Variants in STX12 observed in about 807,000 individuals in gnomAD.
The protein encoded by STX12 is syntaxin-12.
In STX12, 17 loss-of-function variants were observed where a neutral mutation model predicts 42.2. That is an observed-to-expected ratio of 0.40 (90% confidence interval 0.28 to 0.60). The LOEUF is 0.60. STX12 is among the 20% of genes least tolerant of loss of function. The pLI is 0.39. For missense variants in STX12, 297 were observed against 330.9 expected, an observed-to-expected ratio of 0.90 and a Z score of 0.79; for synonymous variants, 108 against 116.7, an observed-to-expected ratio of 0.93 and a Z score of 0.48.
At chr1:27,797,907 C>G (rs1168343330) in intron 3 of STX12, among the ~76,000 whole-genome samples, 2 of 151,812 alleles carry the variant, frequency 1.3e-5, no homozygotes, top group Non-Finnish European at 2.9e-5. Flanking sequence ...CACACACACA[C>G]AGAGTCTATA....
chr1:27,801,628 A>T, intron 3 of STX12, 50 bp from the exon 4 acceptor site: 1 of 1,447,828 alleles, frequency 6.9e-7, no homozygotes, highest in Non-Finnish European at 9.1e-7. Context: ...ATTAAAACCA[A>T]ATGATTCTGG....
chr1:27,807,077 G>A (rs936933402), intron 4 of STX12, among the ~76,000 whole-genome samples: 2 of 151,714 alleles, frequency 1.3e-5, no homozygotes, highest in Non-Finnish European at 2.9e-5. Context: ...AATTTTTGTG[G>A]GCACATGGTA....
chr1:27,798,752 G>A (rs1465046458), intron 3 of STX12, among the ~76,000 whole-genome samples: 1 of 126,442 alleles, frequency 7.9e-6, no homozygotes, highest in Non-Finnish European at 1.6e-5. Flanking sequence ...CTGCACTCCA[G>A]ACTGGACGAC....
intron 1 of STX12, among the ~76,000 whole-genome samples, chr1:27,787,697 G>C (rs532175441): frequency 6.6e-6 from 1 of 151,836 alleles, no homozygotes; most frequent in African/African-American, 2.4e-5. Context: ...GCATGTCATT[G>C]GTATTGTAAG....
At chr1:27,801,138 C>T (rs893750589) in intron 3 of STX12, among the ~76,000 whole-genome samples, 2 of 152,162 alleles carry the variant, frequency 1.3e-5, no homozygotes, top group African/African-American at 4.8e-5. Context: ...GTGACTCACG[C>T]CTGTAATCCC....
chr1:27,819,524 G>T, intron 7 of STX12, 126 bp from the exon 8 acceptor site: 1 of 707,300 alleles, frequency 1.4e-6, no homozygotes, highest in Non-Finnish European at 2.3e-6. Flanking sequence ...GTAGTAACTC[G>T]ATTTCATGGC....
Position 27,773,443 on chromosome 1 carries a change from G to A in STX12, c.118+18G>A. 6.2e-7 allele frequency: 1 copy of A among 1,610,976 alleles called. No homozygotes were observed. The highest frequency in any genetic ancestry group is 2.2e-5 in the East Asian group (1 of 44,852). ...CCAAGCCAGTGAGCCGGGGTACCGA[G>A]CTGGGGGGCGGGAGCTGTCCCGGGG... On this transcript the variant is annotated intron_variant, in intron 1 of 8. Transcript: ENST00000373943.
chr1:27,818,872 C>T (rs2088962556), intron 7 of STX12, among the ~76,000 whole-genome samples: 1 of 152,182 alleles, frequency 6.6e-6, no homozygotes, highest in African/African-American at 2.4e-5. Flanking sequence ...AGGTGATCTG[C>T]CCGCCTTGGC....
At chr1:27,818,815 A>T (rs1326881365) in intron 7 of STX12, among the ~76,000 whole-genome samples, 1 of 151,872 alleles carries the variant, frequency 6.6e-6, no homozygotes, top group Non-Finnish European at 1.5e-5. Context: ...TTTAGTAGAG[A>T]CGGGGTTTCT....
At chr1:27,815,336 C>G (rs2088933991) in intron 6 of STX12, among the ~76,000 whole-genome samples, 2 of 152,058 alleles carry the variant, frequency 1.3e-5, no homozygotes, top group Non-Finnish European at 2.9e-5. Flanking sequence ...GTCCAAATTC[C>G]TTAGCCTAGG....
At chr1:27,808,605 G>T (rs886407471) in intron 4 of STX12, among the ~76,000 whole-genome samples, 1 of 152,082 alleles carries the variant, frequency 6.6e-6, no homozygotes, top group African/African-American at 2.4e-5. Context: ...GCCTCTCAAA[G>T]TGCTGGGATT....
chr1:27,773,297 A>G lies in STX12; in HGVS notation c.-11A>G. ...GAGCGGTGTAGAGCGAGCAGGTCTC[A>G]GCTCCTCGTCATGTCATACGGTCCC... On this transcript the variant is annotated 5_prime_UTR_variant, in exon 1 of 9. Coordinates refer to ENST00000373943, the MANE Select transcript of STX12 (RefSeq NM_177424.3). 1 of 1,526,734 alleles carries G rather than the reference A, an allele frequency of 6.5e-7. No individual in the cohort carries two copies. Among genetic ancestry groups the G allele is most frequent in the Non-Finnish European group, 8.9e-7 (1 of 1,126,382 alleles). 94.6% of individuals were successfully genotyped at this position (1,526,734 alleles called of 1,614,324 possible).
rs768073280 is a variant in STX12, at chr1:27,793,564, G to A, written c.220G>A (p.Ala74Thr). ...GTTACAACACTCCACAAATCAGCTC[G>A]CCAAGGAAACAAATGAATTGCTGAA... ...QQLQHSTNQLAKETNELLKEL... is the reference protein window; with the variant it reads ...QQLQHSTNQLTKETNELLKEL... The change falls in exon 3 of 9, where the codon GCC (alanine) becomes ACC (threonine). Residue 74 changes from alanine to threonine, a missense_variant. Transcript: ENST00000373943. 9 of 1,613,974 alleles carry A rather than the reference G, an allele frequency of 5.6e-6. No homozygotes were observed. Among genetic ancestry groups the A allele is most frequent in the Non-Finnish European group, 7.6e-6 (9 of 1,179,974 alleles).
At chr1:27,816,127 C>G (rs1330125084) in intron 6 of STX12, among the ~76,000 whole-genome samples, 2 of 151,930 alleles carry the variant, frequency 1.3e-5, no homozygotes, top group East Asian at 3.9e-4. Flanking sequence ...ACCAGCCTGA[C>G]CAACATGGTG....
chr1:27,773,298 G>A lies in STX12; in HGVS notation c.-10G>A, dbSNP rs755772689. On this transcript the variant is annotated 5_prime_UTR_variant, in exon 1 of 9. Coordinates refer to ENST00000373943, the MANE Select transcript of STX12 (RefSeq NM_177424.3). ...AGCGGTGTAGAGCGAGCAGGTCTCA[G>A]CTCCTCGTCATGTCATACGGTCCCT... 2 of 1,586,462 alleles carry A rather than the reference G, an allele frequency of 1.3e-6. No homozygotes were observed. Among genetic ancestry groups the A allele is most frequent in the Non-Finnish European group, 1.7e-6 (2 of 1,160,184 alleles).
Position 27,773,263 on chromosome 1 carries a change from C to T in STX12, c.-45C>T. ...TGCGGGTCCCGGCTGGCGGCTGCTT[C>T]CGGTAGGAGAGCGGTGTAGAGCGAG... On this transcript the variant is annotated 5_prime_UTR_variant, in exon 1 of 9. Coordinates refer to ENST00000373943, the MANE Select transcript of STX12 (RefSeq NM_177424.3). 1 of 1,357,516 alleles carries T rather than the reference C, an allele frequency of 7.4e-7. No individual in the cohort carries two copies. The highest frequency in any genetic ancestry group is 1.0e-6 in the Non-Finnish European group (1 of 972,100). The allele number at this position is 1,357,516 out of a possible 1,614,324, so 84.1% of individuals were successfully genotyped here.
intron 6 of STX12, among the ~76,000 whole-genome samples, chr1:27,815,586 A>G (rs2088935724): frequency 6.6e-6 from 1 of 152,134 alleles, no homozygotes; most frequent in Admixed American, 6.6e-5. Context: ...TTTATTGTGC[A>G]CTTATTCCCC....
chr1:27,793,615 T>G lies in STX12; in HGVS notation c.271T>G (p.Leu91Val), dbSNP rs1283297828. 6.2e-7 allele frequency: 1 copy of G among 1,613,930 alleles called. No individual in the cohort carries two copies. Residue 91 changes from leucine (L) to valine (V), a missense_variant, in exon 3 of 9, where the codon TTA (leucine) becomes GTA (valine). Transcript: ENST00000373943. ...AGAATTAGGGTCCTTGCCCCTTCCC[T>G]TATCTACTTCAGAACAGGTTGGTAT... ...LKELGSLPLP[L>V]STSEQRQQRL...
chr1:27,818,918 C>T (rs1025957836), intron 7 of STX12, among the ~76,000 whole-genome samples: 4 of 150,190 alleles, frequency 2.7e-5, no homozygotes, highest in Middle Eastern at 3.4e-3. Flanking sequence ...TGAGCCACCA[C>T]GCCTGGCCAG....
Sources: allele counts gnomAD v4.1 joint callset (sites outside exome capture counted in the v4.1 genomes callset), GRCh38; gene constraint gnomAD v4.1.1; transcripts MANE v1.5; gene names NCBI Gene and HGNC (gene_info 2026-07-23, HGNC 2026-07-21).